Variants in MYO1E observed in about 807,000 individuals in gnomAD.
The protein encoded by MYO1E is unconventional myosin-Ie.
MYO1E carries 68 observed loss-of-function variants against 151.1 expected under a neutral mutation model. That is an observed-to-expected ratio of 0.45 (90% CI 0.37 to 0.55). The LOEUF is 0.55. Among genes scored for constraint, MYO1E ranks in the 20% least tolerant of loss-of-function variants. MYO1E has a pLI of 0.00. For missense variants in MYO1E, 1,363 were observed against 1,389.3 expected (o/e 0.98, Z 0.30); for synonymous variants, 601 against 501.7 (o/e 1.20, Z -2.64).
intron 11 of MYO1E, 110 bp downstream of exon 11, chr15:59,214,530 T>A: frequency 8.9e-7 from 1 of 1,123,946 alleles, no homozygotes; most frequent in East Asian, 2.3e-5. Flanking sequence ...TTTTTTGTTG[T>A]TGTGGTTTGT....
intron 4 of MYO1E, among the ~76,000 whole-genome samples, chr15:59,251,947 GCTA>G (rs1373906109): frequency 6.6e-6 from 1 of 152,144 alleles, no homozygotes; most frequent in Non-Finnish European, 1.5e-5. Context: ...ATTCAGTATT[GCTA>G]CTAATAATAT....
At chr15:59,305,627 C>T (rs2080510324) in intron 1 of MYO1E, among the ~76,000 whole-genome samples, 2 of 152,208 alleles carry the variant, frequency 1.3e-5, no homozygotes, top group South Asian at 2.1e-4. Flanking sequence ...CTTGTCTCTT[C>T]CTCTATTCAG....
At chr15:59,172,426 A>T (rs767339851) in intron 21 of MYO1E, among the ~76,000 whole-genome samples, 3 of 152,154 alleles carry the variant, frequency 2.0e-5, no homozygotes, top group Admixed American at 6.5e-5. Context: ...TTACCAGGAC[A>T]GGGGGAAGCT....
intron 1 of MYO1E, among the ~76,000 whole-genome samples, chr15:59,353,845 G>A (rs1432765138): frequency 2.0e-5 from 3 of 151,770 alleles, no homozygotes; most frequent in East Asian, 1.9e-4. Flanking sequence ...CTGTAAAAGC[G>A]AAATTTTTGT....
chr15:59,290,840 C>A lies in MYO1E; in HGVS notation c.4-18391G>T, dbSNP rs147340293. ...AGAGCTGGTAGTAAATGCTGGGTTCCCTTGCTGTACTGACAGGAATGAGAG... is the reference window on the plus strand; with the variant it reads ...AGAGCTGGTAGTAAATGCTGGGTTCACTTGCTGTACTGACAGGAATGAGAG... On this transcript the variant is annotated intron_variant, in intron 1 of 27. Coordinates refer to ENST00000288235, the MANE Select transcript of MYO1E (RefSeq NM_004998.4). 4.1e-3 allele frequency among the ~76,000 whole-genome samples: 620 copies of A among 152,270 alleles called. 4 individuals are homozygous for A. Among genetic ancestry groups the A allele is most frequent in the Non-Finnish European group, 7.3e-3 (499 of 68,022 alleles).
At chr15:59,253,066 A>G (rs546141209) in intron 4 of MYO1E, among the ~76,000 whole-genome samples, 14 of 152,368 alleles carry the variant, frequency 9.2e-5, no homozygotes, top group African/African-American at 3.4e-4. Context: ...CTGTTCAACA[A>G]CAGGATCATT....
chr15:59,206,647 G>C, intron 14 of MYO1E: 1 of 392,542 alleles, frequency 2.5e-6, no homozygotes, highest in Non-Finnish European at 4.5e-6. Flanking sequence ...GTAATTCCAG[G>C]GATCTCGGTT....
chr15:59,245,408 C>A (rs1303497479), intron 4 of MYO1E, among the ~76,000 whole-genome samples: 1 of 152,182 alleles, frequency 6.6e-6, no homozygotes, highest in African/African-American at 2.4e-5. Context: ...ACTACTATCT[C>A]CTTTTCCTCT....
intron 26 of MYO1E, among the ~76,000 whole-genome samples, chr15:59,141,151 G>T (rs963125102): frequency 6.6e-6 from 1 of 152,162 alleles, no homozygotes; most frequent in African/African-American, 2.4e-5. Flanking sequence ...AAAGGGGATG[G>T]CGGCGGGCAT....
At chr15:59,293,462 C>T (rs2080431478) in intron 1 of MYO1E, among the ~76,000 whole-genome samples, 1 of 151,792 alleles carries the variant, frequency 6.6e-6, no homozygotes. Flanking sequence ...AGGAGAATCG[C>T]TTGAACCTGG....
intron 26 of MYO1E, among the ~76,000 whole-genome samples, chr15:59,151,376 G>A (rs1474400835): frequency 2.0e-5 from 3 of 152,088 alleles, no homozygotes; most frequent in Non-Finnish European, 2.9e-5. Flanking sequence ...GTTGCAGTGA[G>A]CTGAGATTGC....
chr15:59,167,446 C>G (rs1040942730), intron 22 of MYO1E, among the ~76,000 whole-genome samples: 3 of 152,160 alleles, frequency 2.0e-5, no homozygotes, highest in African/African-American at 4.8e-5. Flanking sequence ...CACCTGTGGT[C>G]ACCCTTCCTG....
At chr15:59,371,836 T>A (rs1345792281) in intron 1 of MYO1E, among the ~76,000 whole-genome samples, 4 of 150,262 alleles carry the variant, frequency 2.7e-5, no homozygotes, top group Non-Finnish European at 6.0e-5. Flanking sequence ...GCGGCGTGGT[T>A]GCCGCCCGCG....
intron 4 of MYO1E, among the ~76,000 whole-genome samples, chr15:59,248,771 T>C (rs2080146403): frequency 6.6e-6 from 1 of 152,176 alleles, no homozygotes. Flanking sequence ...GCAACACCCT[T>C]AGTTCATGTG....
At chr15:59,297,437 A>ATTTTTTTTTTTTTTTTTTTTTTTTTT (rs755470049) in intron 1 of MYO1E, among the ~76,000 whole-genome samples, 2 of 63,486 alleles carry the variant, frequency 3.2e-5, no homozygotes, top group African/African-American at 8.1e-5. Context: ...CACCCAGCTA[A>ATTTTTTTTTTTTTTTTTTTTTTTTTT]TTTTTTTTTT....
chr15:59,235,670 A>G (rs1211981779), intron 5 of MYO1E, among the ~76,000 whole-genome samples: 2 of 152,250 alleles, frequency 1.3e-5, no homozygotes, highest in African/African-American at 2.4e-5. Flanking sequence ...ACATTTCAGC[A>G]TATCTAAAGA....
intron 14 of MYO1E, chr15:59,207,547 C>G (rs764189785): frequency 6.2e-7 from 1 of 1,614,062 alleles, no homozygotes; most frequent in Non-Finnish European, 8.5e-7. Flanking sequence ...GAGTGCATTT[C>G]CCAAAAACCG....
At chr15:59,363,440 A>G (rs1350627866) in intron 1 of MYO1E, among the ~76,000 whole-genome samples, 2 of 152,200 alleles carry the variant, frequency 1.3e-5, no homozygotes, top group African/African-American at 2.4e-5. Flanking sequence ...AATAAAATCA[A>G]CCAAAATTGG....
At chr15:59,306,522 G>C (rs1490287475) in intron 1 of MYO1E, among the ~76,000 whole-genome samples, 1 of 152,222 alleles carries the variant, frequency 6.6e-6, no homozygotes, top group Non-Finnish European at 1.5e-5. Context: ...CTCAGGTTGT[G>C]GATGGAGGAA....
Sources: gnomAD v4.1 joint callset for allele counts (sites outside exome capture counted in the v4.1 genomes callset) on GRCh38, gnomAD v4.1.1 for gene constraint, MANE v1.5 for transcripts, NCBI Gene and HGNC (gene_info 2026-07-23, HGNC 2026-07-21) for gene names.